KIF1B: variants seen among roughly 807,000 people sequenced by gnomAD.
KIF1B encodes the protein kinesin family member 1B, also known as kinesin-like protein KIF1B.
In KIF1B, 76 loss-of-function variants were observed where a neutral mutation model predicts 241.9. That is an observed-to-expected ratio of 0.31 (90% confidence interval 0.26 to 0.38). The LOEUF (loss-of-function observed/expected upper bound fraction) is 0.38, where lower values mean the gene tolerates loss of function less well. Among genes scored for constraint, KIF1B ranks in the 10% least tolerant of loss-of-function variants. The probability of loss-of-function intolerance (pLI) is 1.00; values close to 1 mark genes in which losing one functional copy is unlikely to be tolerated. For synonymous variants in KIF1B, 750 were observed against 796.7 expected, an observed-to-expected ratio of 0.94 and a Z score of 0.99; for missense variants, 1,622 against 2,271.4, an observed-to-expected ratio of 0.71 and a Z score of 5.81.
chr1:10,281,568 T>G (rs893917418), intron 14 of KIF1B, among the ~76,000 whole-genome samples: 1 of 152,188 alleles, frequency 6.6e-6, no homozygotes, highest in Non-Finnish European at 1.5e-5. Flanking sequence ...AATTAGCAAA[T>G]AATCAGCCTT....
chr1:10,235,666 G>A (rs1647040548), intron 2 of KIF1B, among the ~76,000 whole-genome samples: 1 of 152,008 alleles, frequency 6.6e-6, no homozygotes. Flanking sequence ...TTCAAGACCA[G>A]CCTGACCAAC....
chr1:10,276,485 T>C, intron 12 of KIF1B, 86 bp downstream of exon 12: 1 of 867,800 alleles, frequency 1.2e-6, no homozygotes, highest in East Asian at 2.6e-5. Flanking sequence ...TTATGCTATC[T>C]GGGTAGTTAT....
intron 31 of KIF1B, among the ~76,000 whole-genome samples, chr1:10,339,522 A>G (rs1336908467): frequency 6.6e-6 from 1 of 152,248 alleles, no homozygotes; most frequent in African/African-American, 2.4e-5. Flanking sequence ...TCTCTAAAGC[A>G]TTCTTGCATA....
chr1:10,348,820 G>C, intron 37 of KIF1B, 87 bp downstream of exon 37: 1 of 952,430 alleles, frequency 1.0e-6, no homozygotes, highest in Non-Finnish European at 1.7e-6. Context: ...CTGTCACCCA[G>C]GCTGGAGTAC....
At chr1:10,251,096 A>G (rs902844668) in intron 2 of KIF1B, among the ~76,000 whole-genome samples, 8 of 151,210 alleles carry the variant, frequency 5.3e-5, no homozygotes, top group Non-Finnish European at 1.2e-4. Flanking sequence ...AACCTAGGAG[A>G]CAGCGGTTGC....
In KIF1B at chr1:10,379,283, G is replaced by C. The variant is rs987586361; in HGVS notation, c.*2696G>C. 8.7e-6 allele frequency: 2 copies of C among 231,126 alleles called. No homozygotes were observed. The highest frequency in any genetic ancestry group is 1.7e-5 in the Non-Finnish European group (2 of 116,480). The allele number at this position is 231,126 out of a possible 1,614,324, so 14.3% of individuals were successfully genotyped here. A position where few individuals can be genotyped will look rare whatever the true frequency, so the allele number is the denominator to read the frequency against. On this transcript the variant is annotated 3_prime_UTR_variant, in exon 49 of 49. Transcript: ENST00000676179. ...GGTTTGGAAAGTCTTTGCTTTGGAA[G>C]CGTCAGACATTAGAACAGGCCAAAC...
At chr1:10,330,672 TTAAAGA>T (rs1157552760) in intron 27 of KIF1B, among the ~76,000 whole-genome samples, 4 of 152,338 alleles carry the variant, frequency 2.6e-5, no homozygotes, top group Non-Finnish European at 5.9e-5. Flanking sequence ...CCACTTCTAC[TTAAAGA>T]TAAGAGGCAA....
chr1:10,295,153 A>G lies in KIF1B; in HGVS notation c.1658A>G (p.Asp553Gly), dbSNP rs1650198888. Residue 553 changes from aspartate (D) to glycine (G), a missense_variant, in exon 18 of 49, where the codon GAT (aspartate) becomes GGT (glycine). Asp to Gly is a moderately conservative substitution (Grantham distance 94, BLOSUM62 -1). Transcript: ENST00000676179. ...GAGTGCCTACTTTATTACATCAAAG[A>G]TGGAATTACAAGGTATATTTATTTC... ...MSECLLYYIK[D>G]GITRVGQADA... 4 of 1,587,922 alleles carry G rather than the reference A, an allele frequency of 2.5e-6. No homozygotes were observed. Among genetic ancestry groups the G allele is most frequent in the Non-Finnish European group, 3.5e-6 (4 of 1,156,106 alleles).
At chr1:10,364,176 A>G (rs2102348493) in intron 41 of KIF1B, among the ~76,000 whole-genome samples, 1 of 151,580 alleles carries the variant, frequency 6.6e-6, no homozygotes, top group South Asian at 2.1e-4. Context: ...TCTTTTTAAA[A>G]ATTTTTATTT....
At chr1:10,288,455 A>G (rs1318136115) in intron 15 of KIF1B, among the ~76,000 whole-genome samples, 1 of 152,160 alleles carries the variant, frequency 6.6e-6, no homozygotes, top group South Asian at 2.1e-4. Context: ...CTGTGTAGAG[A>G]TGCCATTCAG....
intron 1 of KIF1B, among the ~76,000 whole-genome samples, chr1:10,213,554 G>A (rs1646724653): frequency 6.6e-6 from 1 of 152,120 alleles, no homozygotes; most frequent in Non-Finnish European, 1.5e-5. Flanking sequence ...CTTCCTGTTT[G>A]TAATCCCCTT....
chr1:10,337,377 A>C lies in KIF1B; in HGVS notation c.3266A>C (p.Lys1089Thr), dbSNP rs1652219026. ...EISRINDLDL[K>T]SSTLLDGKMV... ...TTCATTTGACCCTCTTTAGATTTGA[A>C]GTCAAGCACTTTGCTGGATGGTAAG... is the stretch of plus-strand genomic sequence containing the variant. The change falls in exon 31 of 49, where the codon AAG becomes ACG. Residue 1089 changes from lysine (K) to threonine (T), a missense_variant. Transcript: ENST00000676179. The surrounding 1 kb of genome is among the most constrained non-coding windows in gnomAD (Gnocchi z 4.0). The C allele has an allele frequency of 2.5e-6, 4 of 1,614,172 alleles. No homozygotes were observed. The highest frequency in any genetic ancestry group is 3.4e-6 in the Non-Finnish European group (4 of 1,180,034).
At chr1:10,226,441 T>C (rs1183465105) in intron 1 of KIF1B, among the ~76,000 whole-genome samples, 1 of 152,206 alleles carries the variant, frequency 6.6e-6, no homozygotes, top group Non-Finnish European at 1.5e-5. Flanking sequence ...ACTTTATATC[T>C]AAAGCCCACC....
chr1:10,284,194 G>A (rs570215244), intron 15 of KIF1B, among the ~76,000 whole-genome samples: 2 of 151,924 alleles, frequency 1.3e-5, no homozygotes, highest in Non-Finnish European at 2.9e-5. Context: ...AGCTGTGATT[G>A]TACTGCTGCA....
At chr1:10,243,195 T>C (rs2102153112) in intron 2 of KIF1B, among the ~76,000 whole-genome samples, 1 of 152,132 alleles carries the variant, frequency 6.6e-6, no homozygotes, top group Non-Finnish European at 1.5e-5. Context: ...GGCGGGTGAA[T>C]CACTTGAGCT....
At chr1:10,371,021 A>C (rs1231235145) in intron 44 of KIF1B, 120 bp from the exon 45 acceptor site, 1 of 1,206,310 alleles carries the variant, frequency 8.3e-7, no homozygotes, top group Admixed American at 1.8e-5. Flanking sequence ...TGTTTTCTTA[A>C]ATGACCTTCT....
At chr1:10,336,806 TC>T in intron 29 of KIF1B, 64 bp downstream of exon 29, 1 of 1,446,380 alleles carries the variant, frequency 6.9e-7, no homozygotes, top group Non-Finnish European at 9.7e-7. Context: ...GCATTGGAGA[TC>T]AGTTCTCCTG....
chr1:10,288,057 G>T (rs770009083), intron 15 of KIF1B, among the ~76,000 whole-genome samples: 1 of 152,050 alleles, frequency 6.6e-6, no homozygotes, highest in Non-Finnish European at 1.5e-5. Flanking sequence ...TTAAAATTAT[G>T]TAGGTTATAT....
At position 10,378,874 on chromosome 1, in the gene KIF1B, AT is replaced by A. The variant is rs1321374537; in HGVS notation, c.*2297del. 2.4e-3 allele frequency: 527 copies of A among 222,102 alleles called. No individual in the cohort carries two copies. The highest frequency in any genetic ancestry group is 3.5e-3 in the East Asian group (53 of 15,076). The allele number at this position is 222,102 out of a possible 1,614,324, so 13.8% of individuals were successfully genotyped here. On this transcript the variant is annotated 3_prime_UTR_variant, in exon 49 of 49. Coordinates refer to ENST00000676179, the MANE Select transcript of KIF1B (RefSeq NM_001365951.3). ...GTGACCCGCGGAAACTCTATGGCGG[AT>A]TTTTTTTTTAACTTTCTTCTTCCTG...
Sources: gnomAD v4.1 joint callset for allele counts (sites outside exome capture counted in the v4.1 genomes callset) on GRCh38, gnomAD v4.1.1 for gene constraint, Gnocchi (gnomAD v3.1) non-coding constraint, MANE v1.5 for transcripts, NCBI Gene and HGNC (gene_info 2026-07-23, HGNC 2026-07-21) for gene names.